The following DHRSX variants were observed in gnomAD, a reference collection of about 807,000 sequenced individuals.
DHRSX encodes the protein polyprenol dehydrogenase.
Under a neutral mutation model 34.0 loss-of-function variants are expected in DHRSX, and 31 were observed. That is an observed-to-expected ratio of 0.91 (90% CI 0.69 to 1.23). The LOEUF (loss-of-function observed/expected upper bound fraction) is 1.23. Among genes scored for constraint, DHRSX ranks in the 50% most tolerant of loss-of-function variants. The pLI is 0.00. For synonymous variants in DHRSX, 201 were observed against 183.8 expected (o/e 1.09, Z -0.76); for missense variants, 414 against 428.1 (o/e 0.97, Z 0.29).
At chrX:2,393,859 C>G in intron 3 of DHRSX, among the ~76,000 whole-genome samples, 1 of 132,098 alleles carries the variant, frequency 7.6e-6, no homozygotes, top group Non-Finnish European at 1.6e-5. Flanking sequence ...ACAGGGACCT[C>G]CCCATCTCCT....
intron 2 of DHRSX, among the ~76,000 whole-genome samples, chrX:2,416,466 T>G (rs2043694550): frequency 6.6e-6 from 1 of 152,192 alleles, no homozygotes; most frequent in African/African-American, 2.4e-5. Context: ...GTCACCAATC[T>G]GCGGCTAAAC....
At chrX:2,345,194 C>T (rs1187176963) in intron 3 of DHRSX, among the ~76,000 whole-genome samples, 5 of 151,932 alleles carry the variant, frequency 3.3e-5, no homozygotes, top group Non-Finnish European at 7.4e-5. Flanking sequence ...TTTATAAGTC[C>T]ACTTGGCTGA....
At chrX:2,248,514 G>T (rs1602794728) in intron 5 of DHRSX, among the ~76,000 whole-genome samples, 1 of 150,510 alleles carries the variant, frequency 6.6e-6, no homozygotes, top group East Asian at 2.0e-4. Context: ...TCGGGAGGCT[G>T]AGGCAGGAAA....
At chrX:2,347,908 T>G (rs2042740870) in intron 3 of DHRSX, among the ~76,000 whole-genome samples, 1 of 152,210 alleles carries the variant, frequency 6.6e-6, no homozygotes, top group Non-Finnish European at 1.5e-5. Context: ...ACCCTGCTCG[T>G]GGACAATCAC....
At chrX:2,256,599 G>T (rs1041870933) in intron 5 of DHRSX, among the ~76,000 whole-genome samples, 1 of 152,122 alleles carries the variant, frequency 6.6e-6, no homozygotes, top group African/African-American at 2.4e-5. Flanking sequence ...GGGATGATTC[G>T]GTACAGCCAA....
chrX:2,282,812 AAG>A lies in DHRSX; in HGVS notation c.388+8688_388+8689del, dbSNP rs201921499. On this transcript the variant is annotated intron_variant, in intron 4 of 6. Transcript: ENST00000334651. ...AGAGAGAAGAAAGAGAGAAGAGAGA[AAG>A]AGAGAGAGGGAGAGAGAGGGAGAAA... 1.2e-4 allele frequency among the ~76,000 whole-genome samples: 10 copies of A among 83,110 alleles called. 1 individual carries two copies. The highest frequency in any genetic ancestry group is 4.9e-4 in the South Asian group (1 of 2,024). 54.5% of individuals were successfully genotyped at this position (83,110 alleles called of 152,430 possible).
chrX:2,246,549 G>A (rs779335856), intron 5 of DHRSX, among the ~76,000 whole-genome samples: 1 of 151,910 alleles, frequency 6.6e-6, no homozygotes, highest in Non-Finnish European at 1.5e-5. Flanking sequence ...CTTGAACCCG[G>A]GAGGTGGAGG....
intron 1 of DHRSX, among the ~76,000 whole-genome samples, chrX:2,495,901 G>C (rs979051821): frequency 1.3e-5 from 2 of 152,070 alleles, no homozygotes; most frequent in Non-Finnish European, 2.9e-5. Context: ...ACGACACGTC[G>C]CAAGAGACCA....
intron 1 of DHRSX, among the ~76,000 whole-genome samples, chrX:2,451,812 G>C (rs1162248943): frequency 6.6e-6 from 1 of 152,180 alleles, no homozygotes; most frequent in South Asian, 2.1e-4. Flanking sequence ...TGTATGAACT[G>C]AAAAGGTTCC....
chrX:2,297,469 C>T (rs1029981638), intron 3 of DHRSX, among the ~76,000 whole-genome samples: 1 of 152,064 alleles, frequency 6.6e-6, no homozygotes, highest in Non-Finnish European at 1.5e-5. Context: ...ATGACGGTAT[C>T]CTCCACTCCG....
chrX:2,304,315 G>GGATGGATGTATGGATGGATGAACT, intron 3 of DHRSX, among the ~76,000 whole-genome samples: 1 of 130,206 alleles, frequency 7.7e-6, no homozygotes, highest in Non-Finnish European at 1.6e-5. Flanking sequence ...ATGGATGAAT[G>GGATGGATGTATGGATGGATGAACT]GATGGATGGA....
At chrX:2,348,589 T>C (rs2042748354) in intron 3 of DHRSX, among the ~76,000 whole-genome samples, 2 of 152,020 alleles carry the variant, frequency 1.3e-5, no homozygotes, top group South Asian at 4.1e-4. Flanking sequence ...GAAGCAAAAA[T>C]GAAACTGGAA....
At chrX:2,433,486 A>G (rs1195077854) in intron 1 of DHRSX, among the ~76,000 whole-genome samples, 1 of 151,906 alleles carries the variant, frequency 6.6e-6, no homozygotes, top group Non-Finnish European at 1.5e-5. Context: ...TGCTGCACCC[A>G]TCAACCCATC....
intron 3 of DHRSX, among the ~76,000 whole-genome samples, chrX:2,389,867 G>A (rs1205819160): frequency 6.6e-6 from 1 of 152,056 alleles, no homozygotes; most frequent in African/African-American, 2.4e-5. Flanking sequence ...TGCGACCTCC[G>A]CCTCCGGGGA....
intron 1 of DHRSX, among the ~76,000 whole-genome samples, chrX:2,473,630 CAA>C (rs771616367): frequency 3.2e-4 from 34 of 106,264 alleles, no homozygotes; most frequent in African/African-American, 9.8e-4. Context: ...GACTCCGTCT[CAA>C]AAAAAAAAAA....
chrX:2,403,804 C>T (rs1039086875), intron 3 of DHRSX, among the ~76,000 whole-genome samples: 12 of 147,070 alleles, frequency 8.2e-5, no homozygotes, highest in Admixed American at 2.1e-4. Context: ...TGCAGTGAGC[C>T]GAGATCACAC....
intron 3 of DHRSX, among the ~76,000 whole-genome samples, chrX:2,340,840 G>GA (rs2124562032): frequency 6.6e-6 from 1 of 152,174 alleles, no homozygotes; most frequent in African/African-American, 2.4e-5. Flanking sequence ...AAAGAGTGTG[G>GA]AAATACCAGC....
chrX:2,269,005 A>C (rs2041512476), intron 4 of DHRSX, among the ~76,000 whole-genome samples: 1 of 152,232 alleles, frequency 6.6e-6, no homozygotes, highest in Non-Finnish European at 1.5e-5. Flanking sequence ...TCAAAGATGT[A>C]TTTCAATATG....
chrX:2,408,962 T>C (rs753784411), intron 2 of DHRSX, 149 bp from the exon 3 acceptor site: 1 of 705,498 alleles, frequency 1.4e-6, no homozygotes, highest in African/African-American at 1.8e-5. Context: ...AGCGTCTAAC[T>C]TGACAGCCAT....
Sources: allele counts gnomAD v4.1 joint callset (sites outside exome capture counted in the v4.1 genomes callset), GRCh38; gene constraint gnomAD v4.1.1; transcripts MANE v1.5; gene names NCBI Gene and HGNC (gene_info 2026-07-23, HGNC 2026-07-21).